Variants in ADAMTS6 observed in about 807,000 individuals in gnomAD.
The protein encoded by ADAMTS6 is ADAM metallopeptidase with thrombospondin type 1 motif 6.
Under a neutral mutation model 144.3 loss-of-function variants are expected in ADAMTS6, and 23 were observed. That is an observed-to-expected ratio of 0.16 (90% confidence interval 0.11 to 0.23). The LOEUF (loss-of-function observed/expected upper bound fraction) is 0.23. ADAMTS6 is among the 10% of genes least tolerant of loss of function. The pLI, the probability that ADAMTS6 is intolerant of heterozygous loss-of-function variation, is 1.00. For missense variants in ADAMTS6, 999 were observed against 1,379.6 expected (o/e 0.72, Z 4.37); for synonymous variants, 444 against 457.5 (o/e 0.97, Z 0.38).
At chr5:65,375,976 T>C (rs190639772) in intron 7 of ADAMTS6, among the ~76,000 whole-genome samples, 3 of 152,102 alleles carry the variant, frequency 2.0e-5, no homozygotes, top group East Asian at 3.9e-4. Flanking sequence ...ATGGATGAAA[T>C]TGGAAATCAG....
chr5:65,287,066 C>T (rs1741742101), intron 11 of ADAMTS6, among the ~76,000 whole-genome samples: 1 of 152,076 alleles, frequency 6.6e-6, no homozygotes, highest in Non-Finnish European at 1.5e-5. Context: ...CATCCAAGGC[C>T]CCTTAGAAAC....
At chr5:65,306,371 C>T (rs1238875309) in intron 9 of ADAMTS6, among the ~76,000 whole-genome samples, 1 of 152,174 alleles carries the variant, frequency 6.6e-6, no homozygotes, top group Non-Finnish European at 1.5e-5. Context: ...GAGTTACAAA[C>T]ACACTGAATA....
Position 65,452,905 on chromosome 5 carries a change from A to G in ADAMTS6, c.645T>C (p.Ser215=). ...TGTCATTCAGCCACCAAGGTTTGCCACTTCTTGTGAAATCTACAATAAAAG... is the reference window on the plus strand; with the variant it reads ...TGTCATTCAGCCACCAAGGTTTGCCGCTTCTTGTGAAATCTACAATAAAAG... ...SHCGVSDFTR[S]GKPWWLNDTS... Residue 215 remains serine, a synonymous_variant, in exon 5 of 25, where the codon AGT becomes AGC. Coordinates refer to ENST00000381055, the MANE Select transcript of ADAMTS6 (RefSeq NM_197941.4). The G allele has an allele frequency of 6.2e-7, 1 of 1,613,404 alleles. No homozygotes were observed. The highest frequency in any genetic ancestry group is 8.5e-7 in the Non-Finnish European group (1 of 1,179,642).
chr5:65,396,971 T>A (rs1453618667), intron 7 of ADAMTS6, among the ~76,000 whole-genome samples: 2 of 152,204 alleles, frequency 1.3e-5, no homozygotes, highest in African/African-American at 4.8e-5. Context: ...GGCCTAGTGC[T>A]TTCTGTTTGG....
At chr5:65,260,706 G>A (rs1334733215) in intron 13 of ADAMTS6, 43 bp from the exon 14 acceptor site, 2 of 1,468,594 alleles carry the variant, frequency 1.4e-6, no homozygotes, top group African/African-American at 2.8e-5. Context: ...TAATACATCT[G>A]TCCATACAAA....
chr5:65,189,403 G>C (rs1375390550), intron 21 of ADAMTS6, among the ~76,000 whole-genome samples: 3 of 152,180 alleles, frequency 2.0e-5, no homozygotes, highest in Admixed American at 1.3e-4. Flanking sequence ...AGGTGCATAA[G>C]ATGATGAGTT....
intron 13 of ADAMTS6, among the ~76,000 whole-genome samples, chr5:65,262,355 G>A (rs1761274341): frequency 6.6e-6 from 1 of 152,194 alleles, no homozygotes; most frequent in Non-Finnish European, 1.5e-5. Context: ...TTTTCATTGT[G>A]ATTTGTGATG....
chr5:65,237,326 T>C (rs1758745095), intron 15 of ADAMTS6, among the ~76,000 whole-genome samples: 1 of 147,096 alleles, frequency 6.8e-6, no homozygotes, highest in Non-Finnish European at 1.5e-5. Flanking sequence ...AGATTGAGCC[T>C]GCAGTGAGAT....
chr5:65,345,661 T>C (rs1317813040), intron 7 of ADAMTS6, among the ~76,000 whole-genome samples: 1 of 151,806 alleles, frequency 6.6e-6, no homozygotes, highest in South Asian at 2.1e-4. Flanking sequence ...AGAAAGTGTT[T>C]TCATTCTTTT....
Position 65,161,166 on chromosome 5 carries a change from G to T in ADAMTS6, c.3245-9221C>A, listed in dbSNP as rs542466733. Among the ~76,000 whole-genome samples, 5 of 152,138 alleles carry T rather than the reference G, an allele frequency of 3.3e-5. No individual in the cohort carries two copies. In the South Asian group the frequency reaches 1.0e-3, roughly 32 times the overall value. ...TGATCCTCCTACCTAAGCCTCCCAA[G>T]TAGCTGGACTACAGATGCGTGCCAC... On this transcript the variant is annotated intron_variant, in intron 24 of 24. Coordinates refer to ENST00000381055, the MANE Select transcript of ADAMTS6 (RefSeq NM_197941.4).
At chr5:65,206,592 C>T (rs960426051) in intron 20 of ADAMTS6, among the ~76,000 whole-genome samples, 6 of 149,976 alleles carry the variant, frequency 4.0e-5, no homozygotes, top group African/African-American at 1.5e-4. Flanking sequence ...TCCAGCTACT[C>T]GGGAGTCTGA....
At chr5:65,239,865 C>T (rs1759015897) in intron 15 of ADAMTS6, among the ~76,000 whole-genome samples, 1 of 152,134 alleles carries the variant, frequency 6.6e-6, no homozygotes, top group South Asian at 2.1e-4. Flanking sequence ...GACAAGGATG[C>T]ACAACAAATA....
At chr5:65,154,377 G>A (rs947800276) in intron 24 of ADAMTS6, among the ~76,000 whole-genome samples, 5 of 152,208 alleles carry the variant, frequency 3.3e-5, no homozygotes, top group African/African-American at 2.4e-5. Flanking sequence ...CTATCAGGAT[G>A]TTCCTTTCTG....
intron 14 of ADAMTS6, among the ~76,000 whole-genome samples, chr5:65,247,842 C>T (rs912580331): frequency 6.6e-6 from 1 of 152,146 alleles, no homozygotes; most frequent in African/African-American, 2.4e-5. Context: ...ACCAAATTCA[C>T]TCTTGCGTCA....
At chr5:65,442,907 C>A (rs1203586667) in intron 7 of ADAMTS6, among the ~76,000 whole-genome samples, 1 of 152,162 alleles carries the variant, frequency 6.6e-6, no homozygotes, top group African/African-American at 2.4e-5. Context: ...TCAACTCCCA[C>A]TTTTGAGTGA....
At chr5:65,414,613 G>T (rs1755346515) in intron 7 of ADAMTS6, among the ~76,000 whole-genome samples, 2 of 152,078 alleles carry the variant, frequency 1.3e-5, no homozygotes, top group Non-Finnish European at 2.9e-5. Context: ...GATCATTCTT[G>T]GTTTCTTGGC....
chr5:65,404,457 C>A (rs1017132160), intron 7 of ADAMTS6, among the ~76,000 whole-genome samples: 1 of 152,094 alleles, frequency 6.6e-6, no homozygotes, highest in Non-Finnish European at 1.5e-5. Context: ...CATCCATGTC[C>A]CTACAAAGGA....
intron 14 of ADAMTS6, chr5:65,256,652 A>G (rs1055459539): frequency 5.3e-5 from 8 of 152,174 alleles, no homozygotes; most frequent in African/African-American, 1.4e-4. Context: ...CTCATGAATA[A>G]AATGCAACAA....
intron 10 of ADAMTS6, among the ~76,000 whole-genome samples, chr5:65,296,694 A>G (rs1742872149): frequency 6.6e-6 from 1 of 152,060 alleles, no homozygotes; most frequent in Non-Finnish European, 1.5e-5. Flanking sequence ...TTGTAGATCT[A>G]CAATCACCTT....
Sources: gnomAD v4.1 joint callset for allele counts (sites outside exome capture counted in the v4.1 genomes callset) on GRCh38, gnomAD v4.1.1 for gene constraint, MANE v1.5 for transcripts, NCBI Gene and HGNC (gene_info 2026-07-23, HGNC 2026-07-21) for gene names.